The following IL12RB2 variants were observed in gnomAD, a reference collection of about 807,000 sequenced individuals.
The protein encoded by IL12RB2 is interleukin 12 receptor subunit beta 2.
A neutral mutation model predicts 89.4 loss-of-function variants in IL12RB2; 82 were observed. The ratio of observed to expected loss-of-function variants is 0.92; its 90% confidence interval spans 0.77 to 1.10. IL12RB2 has a LOEUF of 1.10. Among genes scored for constraint, IL12RB2 ranks in the 50% least tolerant of loss-of-function variants. The pLI, the probability that IL12RB2 is intolerant of heterozygous loss-of-function variation, is 0.00. For synonymous variants in IL12RB2, 368 were observed against 370.1 expected (o/e 0.99, Z 0.07); for missense variants, 963 against 1,031.9 (o/e 0.93, Z 0.92).
At chr1:67,363,494 G>A (rs1224727976) in intron 10 of IL12RB2, among the ~76,000 whole-genome samples, 1 of 152,152 alleles carries the variant, frequency 6.6e-6, no homozygotes, top group Non-Finnish European at 1.5e-5. Flanking sequence ...GGGATTACAG[G>A]CATGAGCCAC....
At chr1:67,348,547 T>A (rs1247291718) in intron 9 of IL12RB2, among the ~76,000 whole-genome samples, 1 of 152,148 alleles carries the variant, frequency 6.6e-6, no homozygotes, top group Non-Finnish European at 1.5e-5. Context: ...TAACTGTTAA[T>A]CTGTAGATTC....
rs536311038 is a variant in IL12RB2, at chr1:67,367,410, AAGAG to A, written c.1259-407_1259-404del. Among the ~76,000 whole-genome samples, 11 of 150,966 alleles carry A rather than the reference AAGAG, an allele frequency of 7.3e-5. No homozygotes were observed. In the South Asian group the frequency reaches 2.1e-3, roughly 29 times the overall value. On this transcript the variant is annotated intron_variant, in intron 10 of 16. Transcript: ENST00000674203. ...ATCCTGTCTCAAGGAAAAAAAAAGA[AAGAG>A]AGAGAGAAGAAAAAGAAAAAGAAAG...
intron 15 of IL12RB2, 74 bp from the exon 16 acceptor site, chr1:67,389,955 C>A: frequency 1.2e-6 from 1 of 819,244 alleles, no homozygotes; most frequent in Non-Finnish European, 2.2e-6. Context: ...ACTGAAGTTA[C>A]TGCACTGAGA....
At chr1:67,313,611 G>A (rs1204677912) in intron 1 of IL12RB2, among the ~76,000 whole-genome samples, 3 of 152,078 alleles carry the variant, frequency 2.0e-5, no homozygotes, top group Non-Finnish European at 2.9e-5. Flanking sequence ...GATCACCTGA[G>A]GTCAGTTCAA....
chr1:67,323,910 G>A (rs1024503634), intron 4 of IL12RB2, among the ~76,000 whole-genome samples: 8 of 152,144 alleles, frequency 5.3e-5, no homozygotes, highest in Non-Finnish European at 8.8e-5. Context: ...AAGGCTCCAA[G>A]AGAGATCCTC....
chr1:67,336,061 T>G (rs916329690), intron 8 of IL12RB2, among the ~76,000 whole-genome samples: 2 of 152,250 alleles, frequency 1.3e-5, no homozygotes, highest in Non-Finnish European at 2.9e-5. Context: ...ACAAGTCAAC[T>G]GGCTTTGACA....
chr1:67,347,164 A>G (rs886160595), intron 9 of IL12RB2, among the ~76,000 whole-genome samples: 8 of 152,232 alleles, frequency 5.3e-5, no homozygotes, highest in African/African-American at 1.9e-4. Context: ...ATCTGCTCTA[A>G]TAAGAAAAAA....
At chr1:67,329,896 A>G (rs140525594) in intron 7 of IL12RB2, among the ~76,000 whole-genome samples, 167 bp downstream of exon 7, 2 of 152,340 alleles carry the variant, frequency 1.3e-5, no homozygotes, top group African/African-American at 4.8e-5. Flanking sequence ...ATTAAGAAAT[A>G]TCTTGAATTT....
intron 11 of IL12RB2, among the ~76,000 whole-genome samples, chr1:67,371,550 T>C (rs1033618872): frequency 2.0e-5 from 3 of 152,200 alleles, no homozygotes; most frequent in Admixed American, 6.5e-5. Flanking sequence ...GTAGGACTTA[T>C]CTCTTTTTCC....
intron 11 of IL12RB2, among the ~76,000 whole-genome samples, chr1:67,369,671 G>A (rs1663076221): frequency 6.6e-6 from 1 of 152,208 alleles, no homozygotes; most frequent in Non-Finnish European, 1.5e-5. Flanking sequence ...GAACTACATG[G>A]CAAGAGAGAT....
At chr1:67,319,251 C>T (rs1409129753) in intron 2 of IL12RB2, among the ~76,000 whole-genome samples, 1 of 152,198 alleles carries the variant, frequency 6.6e-6, no homozygotes, top group South Asian at 2.1e-4. Context: ...ACTTCCCAGC[C>T]TACTTTATGA....
chr1:67,324,611 A>C (rs1334330620), intron 4 of IL12RB2, among the ~76,000 whole-genome samples: 1 of 152,206 alleles, frequency 6.6e-6, no homozygotes, highest in Admixed American at 6.5e-5. Flanking sequence ...TCGGCCTCCC[A>C]AAGTGTTGGA....
Position 67,398,228 on chromosome 1 carries a change from A to G in IL12RB2, c.*2139A>G, listed in dbSNP as rs1194402745. ...ACAAACCGTGACAGACATGCCCTTG[A>G]CTGGCACAAACCATGACAGACAAGG... On this transcript the variant is annotated 3_prime_UTR_variant, in exon 17 of 17. Coordinates refer to ENST00000674203, the MANE Select transcript of IL12RB2 (RefSeq NM_001374259.2). Among the ~76,000 whole-genome samples, 1 of 152,224 alleles carries G rather than the reference A, an allele frequency of 6.6e-6. No individual in the cohort carries two copies. Among genetic ancestry groups the G allele is most frequent in the South Asian group, 2.1e-4 (1 of 4,824 alleles).
rs1325198198 is a variant in IL12RB2, at chr1:67,328,066, T to C, written c.480-134T>C. The stretch of plus-strand genomic sequence containing the variant: ...ATATAGTACAAATATTCCCGGGGTG[T>C]ATCCCCTAGTCATAAGATTGACCTT... On this transcript the variant is annotated intron_variant, in intron 5 of 16. Coordinates refer to ENST00000674203, the MANE Select transcript of IL12RB2 (RefSeq NM_001374259.2). 4.1e-6 allele frequency: 3 copies of C among 725,076 alleles called. No homozygotes were observed. The African/African-American group carries it at 5.3e-5, about 13-fold the overall frequency. The allele number at this position is 725,076 out of a possible 1,614,324, so 44.9% of individuals were successfully genotyped here.
chr1:67,389,955 C>G, intron 15 of IL12RB2, 74 bp from the exon 16 acceptor site: 1 of 819,244 alleles, frequency 1.2e-6, no homozygotes. Context: ...ACTGAAGTTA[C>G]TGCACTGAGA....
chr1:67,338,520 G>C, intron 8 of IL12RB2, 104 bp from the exon 9 acceptor site: 1 of 726,336 alleles, frequency 1.4e-6, no homozygotes, highest in South Asian at 1.5e-5. Flanking sequence ...AATAATTGAA[G>C]TTATCCTCTA....
At chr1:67,337,812 C>T (rs1658962564) in intron 8 of IL12RB2, among the ~76,000 whole-genome samples, 1 of 147,454 alleles carries the variant, frequency 6.8e-6, no homozygotes. Context: ...CAAGGTTTGT[C>T]ATTTATATTA....
chr1:67,362,175 G>T (rs921560478), intron 10 of IL12RB2, among the ~76,000 whole-genome samples: 1 of 152,160 alleles, frequency 6.6e-6, no homozygotes, highest in Admixed American at 6.5e-5. Flanking sequence ...GGAGGCTGCT[G>T]CAGGAGAACT....
intron 4 of IL12RB2, among the ~76,000 whole-genome samples, chr1:67,322,246 AC>A (rs1216991891): frequency 1.3e-5 from 2 of 152,128 alleles, no homozygotes; most frequent in African/African-American, 4.8e-5. Context: ...GTCTTTTTAG[AC>A]TTATGCAGCC....
Sources: allele counts gnomAD v4.1 joint callset (sites outside exome capture counted in the v4.1 genomes callset), GRCh38; gene constraint gnomAD v4.1.1; transcripts MANE v1.5; gene names NCBI Gene and HGNC (gene_info 2026-07-23, HGNC 2026-07-21).